Variants in MPDZ observed in about 807,000 individuals in gnomAD.
MPDZ encodes the protein multiple PDZ domain protein.
Under a neutral mutation model 239.1 loss-of-function variants are expected in MPDZ, and 234 were observed. That is an observed-to-expected ratio of 0.98 (90% CI 0.88 to 1.09). The LOEUF (loss-of-function observed/expected upper bound fraction) is 1.09, where lower values mean the gene tolerates loss of function less well. MPDZ is among the 50% of genes least tolerant of loss of function. The probability of loss-of-function intolerance (pLI) is 0.00; values close to 1 mark genes in which losing one functional copy is unlikely to be tolerated. For synonymous variants in MPDZ, 1,048 were observed against 881.3 expected, an observed-to-expected ratio of 1.19 and a Z score of -3.35; for missense variants, 3,175 against 2,510.0, an observed-to-expected ratio of 1.26 and a Z score of -5.66.
intron 23 of MPDZ, among the ~76,000 whole-genome samples, chr9:13,160,835 T>C (rs201746743): frequency 1.2e-5 from 1 of 82,094 alleles, no homozygotes; most frequent in Non-Finnish European, 2.5e-5. Flanking sequence ...TAAAATTATA[T>C]ATATATATAT....
chr9:13,247,929 G>A, intron 2 of MPDZ, 128 bp from the exon 3 acceptor site: 1 of 930,450 alleles, frequency 1.1e-6, no homozygotes, highest in Middle Eastern at 3.8e-4. Flanking sequence ...CTTTTAAATT[G>A]AATAAAAAAA....
chr9:13,259,618 G>A (rs1248146810), intron 1 of MPDZ, among the ~76,000 whole-genome samples: 3 of 152,154 alleles, frequency 2.0e-5, no homozygotes, highest in African/African-American at 4.8e-5. Flanking sequence ...CCCCTGCACA[G>A]AGTCTTAAAG....
chr9:13,208,246 C>A (rs1051295348), intron 10 of MPDZ, among the ~76,000 whole-genome samples: 5 of 152,068 alleles, frequency 3.3e-5, no homozygotes, highest in Admixed American at 6.5e-5. Context: ...CAGTTTGAGG[C>A]CAGCCTGGGC....
intron 3 of MPDZ, among the ~76,000 whole-genome samples, chr9:13,232,098 ATAAAT>A (rs1391150927): frequency 6.6e-6 from 1 of 152,186 alleles, no homozygotes; most frequent in Non-Finnish European, 1.5e-5. Flanking sequence ...GGCAAGGAAA[ATAAAT>A]TAAAAGTATA....
At chr9:13,118,796 C>T (rs2131482804) in intron 39 of MPDZ, among the ~76,000 whole-genome samples, 1 of 152,246 alleles carries the variant, frequency 6.6e-6, no homozygotes, top group South Asian at 2.1e-4. Context: ...CTGGTTCTGC[C>T]TTTCCAATCA....
chr9:13,151,764 T>C (rs1001948154), intron 24 of MPDZ, among the ~76,000 whole-genome samples: 3 of 152,138 alleles, frequency 2.0e-5, no homozygotes, highest in Admixed American at 6.6e-5. Flanking sequence ...CACTGAACTG[T>C]ACACTTACAA....
At chr9:13,234,286 T>G (rs1274617194) in intron 3 of MPDZ, among the ~76,000 whole-genome samples, 1 of 152,136 alleles carries the variant, frequency 6.6e-6, no homozygotes. Flanking sequence ...TATATTCATT[T>G]AACTAAATGT....
At chr9:13,112,912 G>C (rs772005880) in intron 42 of MPDZ, 99 bp downstream of exon 42, 48 of 1,151,458 alleles carry the variant, frequency 4.2e-5, no homozygotes, top group Non-Finnish European at 6.0e-5. Flanking sequence ...TACTTTTTGA[G>C]ATGAATACTT....
At chr9:13,160,795 C>A (rs1340451792) in intron 23 of MPDZ, among the ~76,000 whole-genome samples, 15 of 123,806 alleles carry the variant, frequency 1.2e-4, no homozygotes, top group African/African-American at 4.4e-4. Context: ...CTGCAAAATA[C>A]ATGTGCAGAC....
chr9:13,116,704 C>G (rs988409130), intron 39 of MPDZ, among the ~76,000 whole-genome samples: 1 of 151,990 alleles, frequency 6.6e-6, no homozygotes, highest in African/African-American at 2.4e-5. Context: ...TTTCAAATAT[C>G]AAGGGTTTTG....
At chr9:13,107,257 A>C in intron 46 of MPDZ, 146 bp from the exon 47 acceptor site, 2 of 804,386 alleles carry the variant, frequency 2.5e-6, no homozygotes, top group Non-Finnish European at 3.7e-6. Flanking sequence ...TAAGCCATTA[A>C]GCAATGATGA....
At chr9:13,205,850 T>A in intron 11 of MPDZ, 66 bp downstream of exon 11, 1 of 1,391,710 alleles carries the variant, frequency 7.2e-7, no homozygotes, top group East Asian at 2.4e-5. Flanking sequence ...TAAGTTACTT[T>A]GGAATTTAAA....
intron 43 of MPDZ, among the ~76,000 whole-genome samples, chr9:13,111,211 T>C (rs1431891398): frequency 1.3e-5 from 2 of 152,218 alleles, no homozygotes; most frequent in African/African-American, 4.8e-5. Flanking sequence ...ATTTGGCTGC[T>C]TTCACAGCGC....
chr9:13,206,013 T>G lies in MPDZ; in HGVS notation c.1377A>C (p.Leu459=), dbSNP rs765073854. ...RHTGQTVLLT[L]MRRGMKQEAE... is the part of the protein sequence containing the mutation. ...CTTCCTGCTTCATTCCTCTCCTCAT[T>G]AGTGTCAGGAGCACAGTTTGTCCTG... Residue 459 remains leucine (L), a synonymous_variant, in exon 11 of 47, where the codon CTA becomes CTC. Transcript: ENST00000319217. The G allele has an allele frequency of 3.7e-6, 6 of 1,612,896 alleles. No homozygotes were observed. The highest frequency in any genetic ancestry group is 4.2e-6 in the Non-Finnish European group (5 of 1,179,546).
chr9:13,132,006 C>A (rs572445443), intron 32 of MPDZ, among the ~76,000 whole-genome samples: 23 of 152,276 alleles, frequency 1.5e-4, no homozygotes, highest in African/African-American at 5.3e-4. Flanking sequence ...CCCTTACTTA[C>A]TTTGGCTTTC....
At chr9:13,181,001 G>C (rs909389605) in intron 19 of MPDZ, among the ~76,000 whole-genome samples, 4 of 152,176 alleles carry the variant, frequency 2.6e-5, no homozygotes, top group African/African-American at 9.6e-5. Context: ...AGTCTGTGCT[G>C]TAGGTGATTA....
intron 24 of MPDZ, among the ~76,000 whole-genome samples, chr9:13,152,582 C>A (rs939784757): frequency 6.6e-6 from 1 of 151,974 alleles, no homozygotes; most frequent in Non-Finnish European, 1.5e-5. Flanking sequence ...GTCCATTAAA[C>A]CTCTTTCTTT....
At chr9:13,190,403 C>T (rs1954745311) in intron 15 of MPDZ, 104 bp from the exon 16 acceptor site, 1 of 986,504 alleles carries the variant, frequency 1.0e-6, no homozygotes. Flanking sequence ...CCAAACAAAA[C>T]ATCCTCAAAC....
intron 19 of MPDZ, among the ~76,000 whole-genome samples, chr9:13,183,067 TAAGAA>T (rs1374140277): frequency 6.6e-6 from 1 of 152,136 alleles, no homozygotes; most frequent in Non-Finnish European, 1.5e-5. Flanking sequence ...TTAAAACCAT[TAAGAA>T]AATAAAGTTA....
Sources: allele counts gnomAD v4.1 joint callset (sites outside exome capture counted in the v4.1 genomes callset), GRCh38; gene constraint gnomAD v4.1.1; transcripts MANE v1.5; gene names NCBI Gene and HGNC (gene_info 2026-07-23, HGNC 2026-07-21).